The following FRMPD4 variants were observed in gnomAD, a reference collection of about 807,000 sequenced individuals.
FRMPD4 encodes FERM and PDZ domain-containing protein 4.
FRMPD4 carries 22 observed loss-of-function variants against 94.1 expected under a neutral mutation model. The observed-to-expected ratio is 0.23, with a 90% confidence interval of 0.17 to 0.33. The LOEUF (loss-of-function observed/expected upper bound fraction) is 0.33. Among genes scored for constraint, FRMPD4 ranks in the 10% least tolerant of loss-of-function variants. The pLI, the probability that FRMPD4 is intolerant of heterozygous loss-of-function variation, is 1.00. For synonymous variants in FRMPD4, 631 were observed against 548.6 expected, an observed-to-expected ratio of 1.15 and a Z score of -2.10; for missense variants, 1,111 against 1,339.9, an observed-to-expected ratio of 0.83 and a Z score of 2.67.
chrX:11,901,084 T>C (rs921462395), intron 3 of FRMPD4, among the ~76,000 whole-genome samples: 5 of 111,752 alleles, frequency 4.5e-5, no homozygotes, highest in Admixed American at 9.5e-5. Flanking sequence ...ATCCTACTTG[T>C]CCCTAATTTG....
chrX:11,824,543 C>T (rs967749065), intron 1 of FRMPD4, among the ~76,000 whole-genome samples: 1 of 111,397 alleles, frequency 9.0e-6, no homozygotes, highest in Admixed American at 9.5e-5. Context: ...TGTGACAACC[C>T]AAAATATCTC....
chrX:12,432,065 G>A (rs1027429893), intron 1 of FRMPD4, among the ~76,000 whole-genome samples: 1 of 111,914 alleles, frequency 8.9e-6, no homozygotes, highest in African/African-American at 3.3e-5. Flanking sequence ...GGGCAGCATT[G>A]AACATTATGA....
At chrX:11,914,052 G>A (rs1277165640) in intron 3 of FRMPD4, among the ~76,000 whole-genome samples, 3 of 111,975 alleles carry the variant, frequency 2.7e-5, no homozygotes, top group East Asian at 2.8e-4. Flanking sequence ...CTAGAATTCC[G>A]GGACTTGAAG....
upstream of FRMPD4, among the ~76,000 whole-genome samples, chrX:12,134,903 G>C (rs189132861): frequency 5.3e-5 from 6 of 112,199 alleles, no homozygotes; most frequent in East Asian, 1.7e-3. Flanking sequence ...ACTGTAAACT[G>C]GTGCCAACTT....
intron 1 of FRMPD4, among the ~76,000 whole-genome samples, chrX:12,277,551 C>G (rs1433122709): frequency 8.9e-6 from 1 of 112,152 alleles, no homozygotes; most frequent in Admixed American, 9.4e-5. Flanking sequence ...CACTTCCAGT[C>G]TCTGGTGATA....
chrX:12,646,730 C>T (rs149248197), intron 4 of FRMPD4, among the ~76,000 whole-genome samples: 285 of 112,276 alleles, frequency 2.5e-3, no homozygotes, highest in Non-Finnish European at 3.8e-3. Flanking sequence ...GAAGCTTCTT[C>T]GGGGATATCA....
chrX:12,230,975 AAT>A (rs1234976297), intron 1 of FRMPD4, among the ~76,000 whole-genome samples: 3 of 54,248 alleles, frequency 5.5e-5, no homozygotes, highest in Non-Finnish European at 1.0e-4. Flanking sequence ...AATATATAGT[AAT>A]ATATATAGTA....
At chrX:11,955,916 T>C (rs1345205450) in intron 3 of FRMPD4, among the ~76,000 whole-genome samples, 2 of 111,576 alleles carry the variant, frequency 1.8e-5, no homozygotes, top group Non-Finnish European at 3.8e-5. Flanking sequence ...TAGACTCAAG[T>C]CTTTTCACTA....
intron 1 of FRMPD4, among the ~76,000 whole-genome samples, chrX:12,373,562 C>CA (rs1440571822): frequency 1.3e-4 from 15 of 111,966 alleles, no homozygotes; most frequent in African/African-American, 4.9e-4. Flanking sequence ...GCCCAGAGAA[C>CA]ACCTTTTGTG....
intron 3 of FRMPD4, among the ~76,000 whole-genome samples, chrX:12,034,564 C>G (rs2054709862): frequency 8.9e-6 from 1 of 111,748 alleles, no homozygotes; most frequent in South Asian, 3.8e-4. Flanking sequence ...CGCTTCTGCT[C>G]CAGTCACTAG....
chrX:12,193,763 A>ACAGAAAGT, intron 1 of FRMPD4, among the ~76,000 whole-genome samples: 1 of 12,888 alleles, frequency 7.8e-5, no homozygotes, highest in Non-Finnish European at 1.2e-4. Flanking sequence ...AGAAAGAAAG[A>ACAGAAAGT]AAGAAAGAAA....
chrX:12,126,042 T>C (rs1431301919), intron 3 of FRMPD4, among the ~76,000 whole-genome samples: 1 of 112,428 alleles, frequency 8.9e-6, no homozygotes, highest in Non-Finnish European at 1.9e-5. Context: ...CATGAGAGAA[T>C]TTACATCACT....
intron 1 of FRMPD4, among the ~76,000 whole-genome samples, chrX:12,468,333 A>C (rs1188672364): frequency 8.9e-6 from 1 of 112,393 alleles, no homozygotes; most frequent in Non-Finnish European, 1.9e-5. Context: ...TTATAAGGGA[A>C]GTATTTTTGA....
chrX:12,087,373 C>T (rs981234808), intron 3 of FRMPD4, among the ~76,000 whole-genome samples: 16 of 112,004 alleles, frequency 1.4e-4, no homozygotes, highest in African/African-American at 2.9e-4. Flanking sequence ...CCTTCCTGCT[C>T]GCCAGCCTGT....
intron 3 of FRMPD4, among the ~76,000 whole-genome samples, chrX:12,008,864 AATGTAG>A (rs763866913): frequency 8.9e-6 from 1 of 112,048 alleles, no homozygotes; most frequent in East Asian, 2.8e-4. Flanking sequence ...TTTTTAAAAA[AATGTAG>A]ATGTAGATTA....
chrX:12,657,443 C>G (rs2059669143), intron 4 of FRMPD4, among the ~76,000 whole-genome samples: 1 of 112,033 alleles, frequency 8.9e-6, no homozygotes, highest in Non-Finnish European at 1.9e-5. Flanking sequence ...TCCTTTGGAG[C>G]AAGTGAGCAA....
chrX:12,045,957 T>C (rs924934079), intron 3 of FRMPD4, among the ~76,000 whole-genome samples: 2 of 111,644 alleles, frequency 1.8e-5, no homozygotes, highest in African/African-American at 6.5e-5. Context: ...GACATGTCCA[T>C]TAGTTTGGGA....
chrX:12,228,000 T>G (rs1439273618), intron 1 of FRMPD4, among the ~76,000 whole-genome samples: 1 of 112,072 alleles, frequency 8.9e-6, no homozygotes, highest in Non-Finnish European at 1.9e-5. Context: ...GATTCATCTA[T>G]GTCTATAAAT....
chrX:11,832,276 C>A (rs1458809433), intron 1 of FRMPD4, among the ~76,000 whole-genome samples: 1 of 111,766 alleles, frequency 8.9e-6, no homozygotes, highest in Non-Finnish European at 1.9e-5. Flanking sequence ...TTCTGATTCC[C>A]ATGGATATAT....
Sources: allele counts gnomAD v4.1 joint callset (sites outside exome capture counted in the v4.1 genomes callset), GRCh38; gene constraint gnomAD v4.1.1; transcripts MANE v1.5; gene names NCBI Gene and HGNC (gene_info 2026-07-23, HGNC 2026-07-21).